FAM13A: variants seen among roughly 807,000 people sequenced by gnomAD.
FAM13A encodes the protein family with sequence similarity 13 member A, also known as protein FAM13A.
In FAM13A, 76 loss-of-function variants were observed where a neutral mutation model predicts 129.6. That is an observed-to-expected ratio of 0.59 (90% CI 0.49 to 0.71). The LOEUF is 0.71. Ranked by LOEUF, FAM13A falls within the 30% of genes least tolerant of loss-of-function variation. The probability of loss-of-function intolerance (pLI) is 0.00; values close to 1 mark genes in which losing one functional copy is unlikely to be tolerated. For synonymous variants in FAM13A, 443 were observed against 449.9 expected, an observed-to-expected ratio of 0.98 and a Z score of 0.20; for missense variants, 1,108 against 1,249.3, an observed-to-expected ratio of 0.89 and a Z score of 1.70.
intron 6 of FAM13A, among the ~76,000 whole-genome samples, chr4:88,885,979 T>TG (rs1744336299): frequency 6.7e-6 from 1 of 148,814 alleles, no homozygotes; most frequent in African/African-American, 2.5e-5. Context: ...ACCTTACTCC[T>TG]GCAAGAATGG....
chr4:89,020,240 T>C (rs1397194335), intron 3 of FAM13A, among the ~76,000 whole-genome samples: 1 of 151,408 alleles, frequency 6.6e-6, no homozygotes, highest in Non-Finnish European at 1.5e-5. Flanking sequence ...AAATATTTAG[T>C]ATGTTTACTA....
rs569500139 is a variant in FAM13A at position 88,840,798 on chromosome 4, G to A, written c.1007+10222C>T. On this transcript the variant is annotated intron_variant, in intron 7 of 23. Transcript: ENST00000264344. ...ATGTTCTCAGAAAATGAAGGTGGGA[G>A]GGAGAAGAGTGAGAATCCTAAATTA... 7.2e-5 allele frequency among the ~76,000 whole-genome samples: 11 copies of A among 152,270 alleles called. No individual in the cohort carries two copies. The East Asian group carries it at 1.4e-3, about 19-fold the overall frequency.
At chr4:88,865,912 CAG>C (rs1249040562) in intron 6 of FAM13A, among the ~76,000 whole-genome samples, 16 of 100,900 alleles carry the variant, frequency 1.6e-4, no homozygotes, top group African/African-American at 5.9e-4. Context: ...TTTTTTGAGA[CAG>C]AGTCTCACTC....
chr4:88,938,919 G>GT (rs1196942509), intron 4 of FAM13A, among the ~76,000 whole-genome samples: 1 of 152,078 alleles, frequency 6.6e-6, no homozygotes, highest in Non-Finnish European at 1.5e-5. Context: ...TAATCAACAG[G>GT]TAAGTCCAAA....
At chr4:88,817,702 G>C (rs1018848821) in intron 7 of FAM13A, among the ~76,000 whole-genome samples, 1 of 152,196 alleles carries the variant, frequency 6.6e-6, no homozygotes, top group African/African-American at 2.4e-5. Context: ...GGAAAAAATA[G>C]GGTGAAAGCT....
Position 88,731,994 on chromosome 4 carries a change from T to C in FAM13A, c.2843+8A>G. The C allele has an allele frequency of 1.3e-6, 2 of 1,590,922 alleles. No homozygotes were observed. The highest frequency in any genetic ancestry group is 1.7e-6 in the Non-Finnish European group (2 of 1,167,810). Reference sequence around the variant, plus strand: ...AAACATTTCACCACCACCACCAAAATGACATACATTGAGGCAGCATGGAGA... The same window carrying C: ...AAACATTTCACCACCACCACCAAAACGACATACATTGAGGCAGCATGGAGA... On this transcript the variant is annotated splice_region_variant and intron_variant, in intron 22 of 23. Coordinates refer to ENST00000264344, the MANE Select transcript of FAM13A (RefSeq NM_014883.4).
At chr4:89,018,055 A>G (rs1183469929) in intron 3 of FAM13A, among the ~76,000 whole-genome samples, 1 of 152,206 alleles carries the variant, frequency 6.6e-6, no homozygotes, top group Non-Finnish European at 1.5e-5. Context: ...AAAAAATAAT[A>G]GGTTTGAAAA....
intron 4 of FAM13A, among the ~76,000 whole-genome samples, chr4:88,973,952 T>C (rs968926573): frequency 6.6e-6 from 1 of 152,184 alleles, no homozygotes; most frequent in African/African-American, 2.4e-5. Context: ...CCAGGTCAGT[T>C]AGGCCCTGAG....
chr4:88,897,693 C>G (rs1014249256), intron 6 of FAM13A, among the ~76,000 whole-genome samples: 2 of 152,140 alleles, frequency 1.3e-5, no homozygotes, highest in African/African-American at 4.8e-5. Flanking sequence ...ATAGGCATCA[C>G]CCTCACAGCT....
Position 89,004,655 on chromosome 4 carries a change from A to G in FAM13A, c.428-13505T>C, listed in dbSNP as rs1764750053. ...AAAGAAAGGGAAGTTAGAATAGAGA[A>G]AGGCTAAGGAGACCAATTTTAAGCT... is the stretch of plus-strand genomic sequence containing the variant. On this transcript the variant is annotated intron_variant, in intron 3 of 23. Transcript: ENST00000264344. Among the ~76,000 whole-genome samples the G allele has an allele frequency of 3.3e-5, 5 of 152,208 alleles. No homozygotes were observed. In the South Asian group the frequency reaches 1.0e-3, roughly 32 times the overall value.
intron 19 of FAM13A, among the ~76,000 whole-genome samples, chr4:88,741,723 G>A (rs986924707): frequency 1.3e-5 from 2 of 152,078 alleles, no homozygotes; most frequent in Non-Finnish European, 2.9e-5. Context: ...AACGTTCATT[G>A]GAACATTTTG....
rs527283366 is a variant in FAM13A, at chr4:89,024,528, CAAT to C, written c.218-3862_218-3860del. On this transcript the variant is annotated intron_variant, in intron 2 of 23. Coordinates refer to ENST00000264344, the MANE Select transcript of FAM13A (RefSeq NM_014883.4). Reference sequence around the variant, plus strand: ...ATTGTTAAATTGCATTTACGTGAAACAATAATAAAGCATAACCAAAATAGCAAC... The same window carrying C: ...ATTGTTAAATTGCATTTACGTGAAACAATAAAGCATAACCAAAATAGCAAC... Among the ~76,000 whole-genome samples, 54 of 152,100 alleles carry C rather than the reference CAAT, an allele frequency of 3.6e-4. 1 individual carries two copies. The South Asian group carries it at 0.011, about 30-fold the overall frequency.
intron 4 of FAM13A, among the ~76,000 whole-genome samples, chr4:88,986,454 G>T (rs1029423523): frequency 6.6e-6 from 1 of 152,162 alleles, no homozygotes; most frequent in Non-Finnish European, 1.5e-5. Context: ...TTTAAGCCAC[G>T]TAAGTGTTAT....
At chr4:88,868,868 C>T (rs1740890462) in intron 6 of FAM13A, among the ~76,000 whole-genome samples, 2 of 152,110 alleles carry the variant, frequency 1.3e-5, no homozygotes, top group Non-Finnish European at 1.5e-5. Context: ...TGATTATGCT[C>T]CCTCATTTAT....
At chr4:89,015,578 G>C (rs1579781034) in intron 3 of FAM13A, among the ~76,000 whole-genome samples, 1 of 152,196 alleles carries the variant, frequency 6.6e-6, no homozygotes, top group South Asian at 2.1e-4. Context: ...TAATCTGCCT[G>C]TGATAAAATT....
chr4:88,888,532 C>T (rs900625097), intron 6 of FAM13A, among the ~76,000 whole-genome samples: 4 of 152,036 alleles, frequency 2.6e-5, no homozygotes, highest in African/African-American at 4.8e-5. Context: ...TTCCTTCAAG[C>T]CACAACAAAC....
At chr4:88,870,425 T>G (rs1167839612) in intron 6 of FAM13A, among the ~76,000 whole-genome samples, 1 of 152,222 alleles carries the variant, frequency 6.6e-6, no homozygotes, top group Non-Finnish European at 1.5e-5. Context: ...GGGTCACTCC[T>G]GCCCTAATAC....
At chr4:88,804,880 A>T in intron 8 of FAM13A, 131 bp downstream of exon 8, 1 of 645,638 alleles carries the variant, frequency 1.5e-6, no homozygotes, top group Non-Finnish European at 2.8e-6. Flanking sequence ...TAAGGTGAAG[A>T]GCTCCAGCAA....
intron 11 of FAM13A, among the ~76,000 whole-genome samples, chr4:88,768,602 A>G (rs898132269): frequency 2.4e-4 from 37 of 152,154 alleles, no homozygotes; most frequent in Admixed American, 1.8e-3. Context: ...ACACACACAT[A>G]TACATACTCA....
Sources: gnomAD v4.1 joint callset for allele counts (sites outside exome capture counted in the v4.1 genomes callset) on GRCh38, gnomAD v4.1.1 for gene constraint, MANE v1.5 for transcripts, NCBI Gene and HGNC (gene_info 2026-07-23, HGNC 2026-07-21) for gene names.